ESF1: variants seen among roughly 807,000 people sequenced by gnomAD.
ESF1 encodes ESF1 nucleolar pre-rRNA processing protein, also known as ESF1 homolog.
ESF1 carries 58 observed loss-of-function variants against 92.0 expected under a neutral mutation model. The observed-to-expected ratio is 0.63, with a 90% CI of 0.51 to 0.78. The LOEUF is 0.78. Among genes scored for constraint, ESF1 ranks in the 30% least tolerant of loss-of-function variants. The pLI is 0.00. For synonymous variants in ESF1, 321 were observed against 313.7 expected (o/e 1.02, Z -0.24); for missense variants, 922 against 989.1 (o/e 0.93, Z 0.91).
intron 2 of ESF1, among the ~76,000 whole-genome samples, chr20:13,780,234 T>C (rs2147451096): frequency 6.6e-6 from 1 of 152,282 alleles, no homozygotes; most frequent in South Asian, 2.1e-4. Context: ...GCTGATACAG[T>C]CTTATTGCTC....
chr20:13,762,803 C>T (rs1266924475), intron 8 of ESF1: 16 of 362,544 alleles, frequency 4.4e-5, no homozygotes, highest in Middle Eastern at 3.7e-4. Flanking sequence ...GAAAAATATA[C>T]GCTTTAAAAA....
intron 11 of ESF1, among the ~76,000 whole-genome samples, chr20:13,725,734 CT>C (rs1202116832): frequency 6.6e-6 from 1 of 152,200 alleles, no homozygotes; most frequent in Non-Finnish European, 1.5e-5. Flanking sequence ...TCTACTCGCA[CT>C]GCCATGGTTT....
intron 9 of ESF1, among the ~76,000 whole-genome samples, chr20:13,748,549 T>TATAG (rs1555823557): frequency 2.5e-5 from 1 of 40,690 alleles, no homozygotes; most frequent in Non-Finnish European, 4.6e-5. Context: ...TATGTGTGTG[T>TATAG]ATATATATAT....
In ESF1 at chr20:13,750,542, T is replaced by G. The variant is rs557406648; in HGVS notation, c.1828+9150A>C. ...GAAACAAACAAAAAAGTAAAGTACT[T>G]ACACCCTATCCTTTACTTGGCTCCA... On this transcript the variant is annotated intron_variant, in intron 9 of 13. Transcript: ENST00000617257. 2.2e-4 allele frequency among the ~76,000 whole-genome samples: 33 copies of G among 152,168 alleles called. 1 individual carries two copies. Among genetic ancestry groups the G allele is most frequent in the Admixed American group, 6.5e-4 (10 of 15,290 alleles).
At chr20:13,716,642 CTTTT>C (rs1274212917) in intron 13 of ESF1, among the ~76,000 whole-genome samples, 6 of 132,872 alleles carry the variant, frequency 4.5e-5, no homozygotes, top group Admixed American at 7.6e-5. Context: ...CTTTTTTTTT[CTTTT>C]TTTTTTTTTT....
chr20:13,725,815 GA>G (rs2049897419), intron 11 of ESF1, among the ~76,000 whole-genome samples: 1 of 152,116 alleles, frequency 6.6e-6, no homozygotes, highest in Non-Finnish European at 1.5e-5. Context: ...TCATCTCTCA[GA>G]CTTATATCTC....
intron 9 of ESF1, among the ~76,000 whole-genome samples, chr20:13,745,214 G>A (rs2050040162): frequency 6.6e-6 from 1 of 152,136 alleles, no homozygotes; most frequent in African/African-American, 2.4e-5. Context: ...AGGTAATTAC[G>A]AGCATGTTAC....
At chr20:13,732,949 C>G (rs565781541) in intron 10 of ESF1, among the ~76,000 whole-genome samples, 2 of 149,334 alleles carry the variant, frequency 1.3e-5, no homozygotes, top group African/African-American at 5.0e-5. Context: ...TTTATTGAGA[C>G]AGAGTCTTGC....
chr20:13,740,911 T>C (rs1271784589), intron 9 of ESF1, among the ~76,000 whole-genome samples: 1 of 152,060 alleles, frequency 6.6e-6, no homozygotes, highest in Non-Finnish European at 1.5e-5. Flanking sequence ...AATTGCCCCT[T>C]CCCAGAAAGA....
At chr20:13,772,909 CAA>C in intron 4 of ESF1, among the ~76,000 whole-genome samples, 1 of 152,082 alleles carries the variant, frequency 6.6e-6, no homozygotes, top group Non-Finnish European at 1.5e-5. Flanking sequence ...AAATTAAAAG[CAA>C]AACAAGATGC....
In ESF1 at chr20:13,776,056, CTCCTCT is replaced by C; in HGVS notation, c.846_851del (p.Glu283_Glu284del). 6.2e-7 allele frequency: 1 copy of C among 1,613,118 alleles called. No individual in the cohort carries two copies. Among genetic ancestry groups the C allele is most frequent in the Non-Finnish European group, 8.5e-7 (1 of 1,179,442 alleles). ...CATCCTCACTATCCTCATCTTCATC[CTCCTCT>C]TCATCTTCATCCTCCTCTTCATCAT... On this transcript the variant is annotated inframe_deletion, in exon 3 of 14. Coordinates refer to ENST00000617257, the MANE Select transcript of ESF1 (RefSeq NM_001276380.2).
intron 13 of ESF1, among the ~76,000 whole-genome samples, chr20:13,716,095 T>C (rs942077981): frequency 1.2e-4 from 19 of 152,086 alleles, no homozygotes; most frequent in African/African-American, 4.6e-4. Flanking sequence ...TTCTATATGC[T>C]ACTTAGAAGC....
chr20:13,774,653 C>G (rs1018967182), intron 4 of ESF1, among the ~76,000 whole-genome samples: 2 of 152,116 alleles, frequency 1.3e-5, no homozygotes, highest in African/African-American at 4.8e-5. Context: ...GATTTGAACC[C>G]AGGTCTGCAA....
intron 7 of ESF1, among the ~76,000 whole-genome samples, chr20:13,768,316 T>C (rs1979520104): frequency 6.6e-6 from 1 of 151,380 alleles, no homozygotes. Flanking sequence ...GACAGAAAGG[T>C]TATTGGGAGA....
intron 4 of ESF1, among the ~76,000 whole-genome samples, chr20:13,773,001 A>G (rs1979761535): frequency 1.3e-5 from 2 of 152,240 alleles, no homozygotes; most frequent in African/African-American, 2.4e-5. Flanking sequence ...AAAAATAAAC[A>G]TATAATGAAG....
chr20:13,759,517 C>A (rs756187452), intron 9 of ESF1, among the ~76,000 whole-genome samples, 175 bp downstream of exon 9: 2 of 152,010 alleles, frequency 1.3e-5, no homozygotes, highest in Admixed American at 1.3e-4. Context: ...ATCAAAGAAA[C>A]CAATTAAAAA....
At chr20:13,728,014 G>A (rs1249947053) in intron 11 of ESF1, among the ~76,000 whole-genome samples, 1 of 152,122 alleles carries the variant, frequency 6.6e-6, no homozygotes, top group South Asian at 2.1e-4. Flanking sequence ...GAATGGATAC[G>A]CTATTAAAAA....
At chr20:13,757,463 T>C (rs2147758885) in intron 9 of ESF1, among the ~76,000 whole-genome samples, 1 of 152,296 alleles carries the variant, frequency 6.6e-6, no homozygotes, top group African/African-American at 2.4e-5. Context: ...AGTGGCATGA[T>C]CACAGCTAAC....
Position 13,714,809 on chromosome 20 carries a change from C to A in ESF1, c.*65G>T, listed in dbSNP as rs775606061. On this transcript the variant is annotated 3_prime_UTR_variant, in exon 14 of 14. Coordinates refer to ENST00000617257, the MANE Select transcript of ESF1 (RefSeq NM_001276380.2). Reference sequence around the variant, plus strand: ...GATAGCTTTGTTCCCAATAAATATTCCCTCCTATTATTTTTGTACATTTTA... The same window carrying A: ...GATAGCTTTGTTCCCAATAAATATTACCTCCTATTATTTTTGTACATTTTA... 4 of 1,271,684 alleles carry A rather than the reference C, an allele frequency of 3.1e-6. No individual in the cohort carries two copies. Among genetic ancestry groups the A allele is most frequent in the Admixed American group, 2.7e-5 (1 of 37,394 alleles). 78.8% of individuals were successfully genotyped at this position (1,271,684 alleles called of 1,614,324 possible). A position where few individuals can be genotyped will look rare whatever the true frequency, so the allele number is the denominator to read the frequency against.
Sources: gnomAD v4.1 joint callset for allele counts (sites outside exome capture counted in the v4.1 genomes callset) on GRCh38, gnomAD v4.1.1 for gene constraint, MANE v1.5 for transcripts, NCBI Gene and HGNC (gene_info 2026-07-23, HGNC 2026-07-21) for gene names.